RSPH14: variants seen among roughly 807,000 people sequenced by gnomAD.
The protein encoded by RSPH14 is rhabdoid tumor deletion region gene 1.
RSPH14 carries 20 observed loss-of-function variants against 26.7 expected under a neutral mutation model. The ratio of observed to expected loss-of-function variants is 0.75; its 90% CI spans 0.53 to 1.09. The LOEUF is 1.09. RSPH14 is among the 50% of genes least tolerant of loss of function. RSPH14 has a pLI of 0.00. For missense variants in RSPH14, 449 were observed against 457.2 expected, an observed-to-expected ratio of 0.98 and a Z score of 0.16; for synonymous variants, 177 against 189.3, an observed-to-expected ratio of 0.93 and a Z score of 0.53.
the RSPH14 span, chr22:23,150,283 C>G: frequency 1.5e-6 from 1 of 675,086 alleles, no homozygotes; most frequent in Non-Finnish European, 2.5e-6. Context: ...CTGAAGATGA[C>G]TGGGGTTTTC....
intron 4 of RSPH14, among the ~76,000 whole-genome samples, chr22:23,094,048 C>G (rs2069057210): frequency 6.6e-6 from 1 of 152,200 alleles, no homozygotes; most frequent in African/African-American, 2.4e-5. Context: ...AGATGCTGGT[C>G]ACACCCAGGA....
At chr22:23,158,045 T>A in the RSPH14 span, 1 of 1,614,132 alleles carries the variant, frequency 6.2e-7, no homozygotes, top group Non-Finnish European at 8.5e-7. Flanking sequence ...GCATACCAGG[T>A]AAGTCTGGGC....
At chr22:23,094,827 C>T (rs1046715067) in intron 4 of RSPH14, among the ~76,000 whole-genome samples, 1 of 152,216 alleles carries the variant, frequency 6.6e-6, no homozygotes, top group Non-Finnish European at 1.5e-5. Context: ...CTCAGTTATC[C>T]CAGGGCTGGG....
intron 5 of RSPH14, 37 bp downstream of exon 5, chr22:23,063,865 C>T: frequency 6.2e-7 from 1 of 1,602,310 alleles, no homozygotes. Flanking sequence ...TGCCTTCTCC[C>T]AGCCTTGGTA....
intron 4 of RSPH14, among the ~76,000 whole-genome samples, chr22:23,078,211 A>G (rs183013425): frequency 6.6e-6 from 1 of 152,366 alleles, no homozygotes; most frequent in African/African-American, 2.4e-5. Context: ...TCTCGATGAA[A>G]TGCTGGGAAG....
At chr22:23,142,530 G>A (rs1449991942), upstream of RSPH14, among the ~76,000 whole-genome samples, 2 of 152,218 alleles carry the variant, frequency 1.3e-5, no homozygotes, top group Non-Finnish European at 2.9e-5. Flanking sequence ...TAGAGACAGG[G>A]TTTCGCCATG....
chr22:23,101,311 C>T (rs2146332454), intron 4 of RSPH14, among the ~76,000 whole-genome samples: 1 of 152,310 alleles, frequency 6.6e-6, no homozygotes, highest in Middle Eastern at 3.4e-3. Flanking sequence ...AGTGGCCCCC[C>T]TCTTCACCAT....
At chr22:23,084,137 A>G (rs2068752993) in intron 4 of RSPH14, among the ~76,000 whole-genome samples, 1 of 152,132 alleles carries the variant, frequency 6.6e-6, no homozygotes, top group Non-Finnish European at 1.5e-5. Flanking sequence ...CATTAAGGCA[A>G]GTGGGGTTTT....
At chr22:23,107,064 C>A (rs1413313755) in intron 4 of RSPH14, among the ~76,000 whole-genome samples, 1 of 152,272 alleles carries the variant, frequency 6.6e-6, no homozygotes, top group East Asian at 1.9e-4. Context: ...GCTTTTCAGG[C>A]CATTAGGGCC....
rs532956455 is a variant in RSPH14, at chr22:23,105,148, C to T, written c.421+28878G>A. ...GGCCTTGTATCCTAAGGTTCCCAGCCCAGGCCGGCCACGGCCACAGCCCCA... is the reference window on the plus strand; with the variant it reads ...GGCCTTGTATCCTAAGGTTCCCAGCTCAGGCCGGCCACGGCCACAGCCCCA... On this transcript the variant is annotated intron_variant, in intron 4 of 6. Coordinates refer to ENST00000216036, the MANE Select transcript of RSPH14 (RefSeq NM_014433.3). Among the ~76,000 whole-genome samples the T allele has an allele frequency of 3.3e-5, 5 of 152,270 alleles. No homozygotes were observed. The South Asian group carries it at 1.0e-3, about 32-fold the overall frequency.
chr22:23,135,317 C>CAAAAAA (rs55649510), intron 3 of RSPH14, among the ~76,000 whole-genome samples: 307 of 85,624 alleles, frequency 3.6e-3, no homozygotes, highest in East Asian at 5.6e-3. Context: ...ACTAAAAATA[C>CAAAAAA]AAAAAAAAAA....
At chr22:23,062,191 A>G (rs1207761550) in intron 5 of RSPH14, among the ~76,000 whole-genome samples, 1 of 152,190 alleles carries the variant, frequency 6.6e-6, no homozygotes, top group African/African-American at 2.4e-5. Context: ...CTGAGCCAGC[A>G]CACAGAAAAG....
In RSPH14 at chr22:23,080,573, G is replaced by A. The variant is rs145367063; in HGVS notation, c.422-16440C>T. Among the ~76,000 whole-genome samples the A allele has an allele frequency of 3.3e-3, 497 of 152,346 alleles. 2 individuals are homozygous for A. Among genetic ancestry groups the A allele is most frequent in the African/African-American group, 0.011 (472 of 41,580 alleles). ...AGGACCTGTTTCTAAGGTGAGACCC[G>A]TTGCGGATCTGCAGGTGCAAGGCCC... On this transcript the variant is annotated intron_variant, in intron 4 of 6. Coordinates refer to ENST00000216036, the MANE Select transcript of RSPH14 (RefSeq NM_014433.3).
At chr22:23,118,075 G>A (rs1601833963) in intron 4 of RSPH14, among the ~76,000 whole-genome samples, 1 of 152,218 alleles carries the variant, frequency 6.6e-6, no homozygotes, top group Non-Finnish European at 1.5e-5. Context: ...CTCCCCTGCT[G>A]TAGTGAGAAA....
intron 3 of RSPH14, among the ~76,000 whole-genome samples, chr22:23,134,657 G>A (rs190015616): frequency 6.6e-6 from 1 of 151,740 alleles, no homozygotes; most frequent in Non-Finnish European, 1.5e-5. Context: ...TTGAGGTCAG[G>A]AGTTCGAGAC....
intron 4 of RSPH14, among the ~76,000 whole-genome samples, chr22:23,067,085 C>G (rs893394211): frequency 2.0e-5 from 3 of 152,074 alleles, no homozygotes; most frequent in Non-Finnish European, 4.4e-5. Context: ...TGTGGGGAGT[C>G]CCCGATCTGG....
chr22:23,119,689 C>A (rs1417294804), intron 4 of RSPH14, among the ~76,000 whole-genome samples: 1 of 152,216 alleles, frequency 6.6e-6, no homozygotes, highest in East Asian at 1.9e-4. Flanking sequence ...GTCAGGGACG[C>A]TGGGATGGAG....
At chr22:23,130,541 G>GA (rs2070341584) in intron 4 of RSPH14, among the ~76,000 whole-genome samples, 2 of 94,140 alleles carry the variant, frequency 2.1e-5, no homozygotes, top group South Asian at 3.9e-4. Context: ...AGAGAAAGAA[G>GA]GAAAGAAGGA....
chr22:23,064,526 C>T lies in RSPH14; in HGVS notation c.422-393G>A, dbSNP rs150333686. 1.6e-3 allele frequency among the ~76,000 whole-genome samples: 241 copies of T among 152,288 alleles called. 2 individuals carry two copies. Among genetic ancestry groups the T allele is most frequent in the African/African-American group, 5.6e-3 (232 of 41,552 alleles). On this transcript the variant is annotated intron_variant, in intron 4 of 6. Transcript: ENST00000216036. Reference sequence around the variant, plus strand: ...CCTCCACTCTTCCCTCCCCCTGCCCCAGAGTTGGGGAGCCAGCCAAGCCCC... The same window carrying T: ...CCTCCACTCTTCCCTCCCCCTGCCCTAGAGTTGGGGAGCCAGCCAAGCCCC...
Sources: allele counts gnomAD v4.1 joint callset (sites outside exome capture counted in the v4.1 genomes callset), GRCh38; gene constraint gnomAD v4.1.1; transcripts MANE v1.5; gene names NCBI Gene and HGNC (gene_info 2026-07-23, HGNC 2026-07-21).